HNRNPA2B1: variants seen among roughly 807,000 people sequenced by gnomAD.
HNRNPA2B1 encodes heterogeneous nuclear ribonucleoprotein A2/B1.
A neutral mutation model predicts 46.3 loss-of-function variants in HNRNPA2B1; 3 were observed. That is an observed-to-expected ratio of 0.06 (90% CI 0.03 to 0.17). HNRNPA2B1 has a LOEUF of 0.17. HNRNPA2B1 is among the 10% of genes least tolerant of loss of function. HNRNPA2B1 has a pLI of 1.00. For missense variants in HNRNPA2B1, 221 were observed against 418.9 expected, an observed-to-expected ratio of 0.53 and a Z score of 4.12; for synonymous variants, 225 against 133.8, an observed-to-expected ratio of 1.68 and a Z score of -4.70.
Position 26,193,674 on chromosome 7 carries a change from G to T in HNRNPA2B1, c.742C>A (p.Pro248Thr). Residue 248 changes from proline (P) to threonine (T), a missense_variant, in exon 8 of 11, where the codon CCC (proline) becomes ACC (threonine). Coordinates refer to ENST00000618183, the MANE Select transcript of HNRNPA2B1 (RefSeq NM_002137.4). ...CCTCCTCTTCCTCCTCCATAACCGGGGCTACCTCCAAAATTGCCACCTATT... is the reference window on the plus strand; with the variant it reads ...CCTCCTCTTCCTCCTCCATAACCGGTGCTACCTCCAAAATTGCCACCTATT... ...GPGGGNFGGSPGYGGGRGGYG... is the reference protein window; with the variant it reads ...GPGGGNFGGSTGYGGGRGGYG... 6.2e-7 allele frequency: 1 copy of T among 1,610,402 alleles called. No individual in the cohort carries two copies. The highest frequency in any genetic ancestry group is 8.5e-7 in the Non-Finnish European group (1 of 1,178,592).
chr7:26,199,304 T>C (rs892459907), intron 1 of HNRNPA2B1: 4 of 152,562 alleles, frequency 2.6e-5, no homozygotes. Context: ...CTTGAGACCT[T>C]ATGCTTATCA....
intron 1 of HNRNPA2B1, 30 bp downstream of exon 1, chr7:26,200,542 T>A (rs747661278): frequency 1.9e-6 from 3 of 1,612,230 alleles, no homozygotes; most frequent in Non-Finnish European, 2.5e-6. Flanking sequence ...CATGCCCTTT[T>A]CAATAACTCA....
chr7:26,193,090 C>T (rs577851674), intron 9 of HNRNPA2B1, among the ~76,000 whole-genome samples, 161 bp downstream of exon 9: 1 of 152,254 alleles, frequency 6.6e-6, no homozygotes, highest in South Asian at 2.1e-4. Context: ...TTGCTGAGTA[C>T]TTCTGTGGAG....
At chr7:26,199,674 T>A (rs3757672) in intron 1 of HNRNPA2B1, 1 of 152,102 alleles carries the variant, frequency 6.6e-6, no homozygotes, top group African/African-American at 2.4e-5. Flanking sequence ...TCGTGGCCGA[T>A]GGCTTCCAAT....
chr7:26,199,134 A>G (rs1418333908), intron 1 of HNRNPA2B1: 1 of 152,526 alleles, frequency 6.6e-6, no homozygotes, highest in Non-Finnish European at 1.5e-5. Flanking sequence ...CGGATAATGT[A>G]CATTTATAAC....
chr7:26,191,590 G>T lies in HNRNPA2B1; in HGVS notation c.*770C>A, dbSNP rs570261980. ...TCTCTTGTACTAGACCTGTGTCCCT[G>T]AAGAGTACCTCGCTGGGGTTATTTC... is the stretch of plus-strand genomic sequence containing the variant. On this transcript the variant is annotated 3_prime_UTR_variant, in exon 11 of 11. Coordinates refer to ENST00000618183, the MANE Select transcript of HNRNPA2B1 (RefSeq NM_002137.4). 6.6e-6 allele frequency: 1 copy of T among 152,308 alleles called. No homozygotes were observed. The highest frequency in any genetic ancestry group is 2.4e-5 in the African/African-American group (1 of 41,558). 9.4% of individuals were successfully genotyped at this position (152,308 alleles called of 1,614,324 possible).
chr7:26,194,612 G>A (rs1783302086), intron 7 of HNRNPA2B1, among the ~76,000 whole-genome samples: 2 of 150,812 alleles, frequency 1.3e-5, no homozygotes, highest in Admixed American at 1.3e-4. Flanking sequence ...GAGGTGGGAG[G>A]ATGGCTTGAG....
rs1783101325 is a variant in HNRNPA2B1, at chr7:26,193,119, T to C, written c.964+132A>G. On this transcript the variant is annotated intron_variant, in intron 9 of 10. Transcript: ENST00000618183. ...TGTGGAGATTTATGCAAAATTTCTT[T>C]ATTTTCACTAAGACCGTACATGGAG... The C allele has an allele frequency of 3.5e-6, 3 of 856,506 alleles. No homozygotes were observed. In the South Asian group the frequency reaches 6.2e-5, roughly 18 times the overall value. 53.1% of individuals were successfully genotyped at this position (856,506 alleles called of 1,614,324 possible).
chr7:26,196,794 G>C lies in HNRNPA2B1; in HGVS notation c.475+13C>G, dbSNP rs768171787. 3 of 1,607,596 alleles carry C rather than the reference G, an allele frequency of 1.9e-6. No individual in the cohort carries two copies. The highest frequency in any genetic ancestry group is 1.7e-5 in the Admixed American group (1 of 59,840). ...ACTGGAAAAAAACAGTACATTTGTGGTTAGACACTTACATACGATTTTATC... is the reference window on the plus strand; with the variant it reads ...ACTGGAAAAAAACAGTACATTTGTGCTTAGACACTTACATACGATTTTATC... On this transcript the variant is annotated intron_variant, in intron 4 of 10. Transcript: ENST00000618183.
chr7:26,197,104 T>C, intron 3 of HNRNPA2B1, 87 bp from the exon 4 acceptor site: 2 of 1,167,646 alleles, frequency 1.7e-6, no homozygotes, highest in Non-Finnish European at 1.2e-6. Context: ...CATACTTCGC[T>C]TGTATCCACC....
intron 7 of HNRNPA2B1, among the ~76,000 whole-genome samples, chr7:26,195,496 AT>A (rs1164308015): frequency 1.1e-4 from 17 of 152,128 alleles, no homozygotes; most frequent in African/African-American, 3.4e-4. Flanking sequence ...CATATTTCAT[AT>A]TTTTTCCTAC....
intron 7 of HNRNPA2B1, 56 bp from the exon 8 acceptor site, chr7:26,193,750 C>T: frequency 1.4e-6 from 2 of 1,423,026 alleles, no homozygotes; most frequent in Non-Finnish European, 2.0e-6. Flanking sequence ...CCATTTTGAA[C>T]TGTCTCCTCA....
chr7:26,197,487 G>C, intron 2 of HNRNPA2B1, 26 bp from the exon 3 acceptor site: 6 of 1,609,362 alleles, frequency 3.7e-6, no homozygotes, highest in Non-Finnish European at 4.2e-6. Context: ...GTAAACTTTA[G>C]CATTTAATCT....
intron 6 of HNRNPA2B1, 113 bp from the exon 7 acceptor site, chr7:26,196,022 G>C: frequency 1.5e-6 from 2 of 1,369,776 alleles, no homozygotes; most frequent in Non-Finnish European, 1.9e-6. Flanking sequence ...CCGCAGAAAA[G>C]GACACACCAG....
chr7:26,193,184 CTT>C, intron 9 of HNRNPA2B1, 65 bp downstream of exon 9: 2 of 1,446,380 alleles, frequency 1.4e-6, no homozygotes, highest in Non-Finnish European at 1.9e-6. Context: ...GTTATCTTCC[CTT>C]TAAGTCACAA....
In HNRNPA2B1 at chr7:26,200,744, A is replaced by ACTGCCGCTAGAGCCG. The variant is rs1163026315; in HGVS notation, c.-168_-167insCGGCTCTAGCGGCAG. On this transcript the variant is annotated 5_prime_UTR_variant, in exon 1 of 11. Coordinates refer to ENST00000618183, the MANE Select transcript of HNRNPA2B1 (RefSeq NM_002137.4). ...CCGCACGGGACCCGGCGCTGCTGCT[A>ACTGCCGCTAGAGCCG]CTGCCGCTAGAGCCGCTGCCGCCGC... The ACTGCCGCTAGAGCCG allele has an allele frequency of 2.4e-6, 2 of 833,898 alleles. No homozygotes were observed. Among genetic ancestry groups the ACTGCCGCTAGAGCCG allele is most frequent in the East Asian group, 2.5e-5 (1 of 40,004 alleles). 51.7% of individuals were successfully genotyped at this position (833,898 alleles called of 1,614,324 possible). A position where few individuals can be genotyped will look rare whatever the true frequency, so the allele number is the denominator to read the frequency against.
intron 7 of HNRNPA2B1, among the ~76,000 whole-genome samples, chr7:26,194,023 G>A (rs1158255446): frequency 3.9e-5 from 6 of 152,200 alleles, no homozygotes; most frequent in Admixed American, 1.3e-4. Context: ...GGGCTAGAGG[G>A]AAAGTAAAAG....
At chr7:26,196,756 C>A in intron 4 of HNRNPA2B1, 51 bp downstream of exon 4, 1 of 1,576,686 alleles carries the variant, frequency 6.3e-7, no homozygotes, top group Non-Finnish European at 8.7e-7. Context: ...TTAACATACA[C>A]AAAATTGAAT....
intron 1 of HNRNPA2B1, chr7:26,198,931 A>C (rs2128127401): frequency 6.6e-6 from 1 of 152,284 alleles, no homozygotes; most frequent in East Asian, 1.9e-4. Flanking sequence ...AACCCAGTTC[A>C]GATTTTTTTC....
Sources: allele counts gnomAD v4.1 joint callset (sites outside exome capture counted in the v4.1 genomes callset), GRCh38; gene constraint gnomAD v4.1.1; transcripts MANE v1.5; gene names NCBI Gene and HGNC (gene_info 2026-07-23, HGNC 2026-07-21).